The following XIAP variants were observed in gnomAD, a reference collection of about 807,000 sequenced individuals.
XIAP encodes X-linked inhibitor of apoptosis.
In XIAP, 3 loss-of-function variants were observed where a neutral mutation model predicts 33.1. The ratio of observed to expected loss-of-function variants is 0.09; its 90% CI spans 0.04 to 0.23. XIAP has a LOEUF of 0.23. XIAP is among the 10% of genes least tolerant of loss of function. XIAP has a pLI of 1.00. For missense variants in XIAP, 264 were observed against 363.0 expected (o/e 0.73, Z 2.22); for synonymous variants, 98 against 121.3 (o/e 0.81, Z 1.26).
chrX:123,892,559 A>C (rs2053417514), intron 4 of XIAP, among the ~76,000 whole-genome samples, 172 bp from the exon 5 acceptor site: 1 of 110,799 alleles, frequency 9.0e-6, no homozygotes, highest in South Asian at 3.8e-4. Context: ...TAGATTAGAT[A>C]ATCTTATGAC....
chrX:123,891,094 T>C (rs2053403655), intron 3 of XIAP, 144 bp from the exon 4 acceptor site: 2 of 340,140 alleles, frequency 5.9e-6, no homozygotes, highest in Non-Finnish European at 1.0e-5. Flanking sequence ...GATAGGGAAT[T>C]GGGTAACATT....
intron 6 of XIAP, among the ~76,000 whole-genome samples, chrX:123,905,185 C>G (rs2269176): frequency 0.19 from 21,332 of 110,593 alleles, 1,484 homozygotes; most frequent in South Asian, 0.39. Flanking sequence ...CCCTTCACTG[C>G]CTCCCAGGAC....
At chrX:123,876,271 C>G (rs1344131105) in intron 1 of XIAP, among the ~76,000 whole-genome samples, 2 of 109,611 alleles carry the variant, frequency 1.8e-5, no homozygotes, top group South Asian at 7.7e-4. Flanking sequence ...GAGACTATTA[C>G]TAGTCAAAAA....
chrX:123,888,968 G>T (rs1276801791), intron 3 of XIAP, among the ~76,000 whole-genome samples: 1 of 110,739 alleles, frequency 9.0e-6, no homozygotes. Flanking sequence ...TTGCAGGCTG[G>T]AGTGCAGTGG....
intron 2 of XIAP, among the ~76,000 whole-genome samples, chrX:123,887,180 A>G (rs781139816): frequency 8.9e-6 from 1 of 111,797 alleles, no homozygotes; most frequent in South Asian, 3.7e-4. Context: ...CGGCCTCCCA[A>G]AGTGCTGGGA....
rs753899127 is a variant in XIAP, at chrX:123,912,875, T to C, written c.*5694T>C. The C allele has an allele frequency of 3.1e-6, 1 of 327,187 alleles. No individual in the cohort carries two copies. Among genetic ancestry groups the C allele is most frequent in the South Asian group, 2.6e-5 (1 of 38,185 alleles). 27.0% of individuals were successfully genotyped at this position (327,187 alleles called of 1,213,427 possible). ...TTCACCATGTTGGCCAGGCTAGTCTTGAATTTCTGACCTCAAGTGATTCAT... is the reference window on the plus strand; with the variant it reads ...TTCACCATGTTGGCCAGGCTAGTCTCGAATTTCTGACCTCAAGTGATTCAT... On this transcript the variant is annotated 3_prime_UTR_variant, in exon 7 of 7. Coordinates refer to ENST00000371199, the MANE Select transcript of XIAP (RefSeq NM_001167.4).
At chrX:123,892,392 A>G (rs1361938192) in intron 4 of XIAP, among the ~76,000 whole-genome samples, 1 of 110,699 alleles carries the variant, frequency 9.0e-6, no homozygotes, top group Non-Finnish European at 1.9e-5. Context: ...TAAATAAATA[A>G]ATAAATTGAT....
chrX:123,867,462 C>T (rs1004313007), intron 1 of XIAP, among the ~76,000 whole-genome samples: 4 of 108,556 alleles, frequency 3.7e-5, no homozygotes, highest in Non-Finnish European at 5.7e-5. Flanking sequence ...GCATCTCCGC[C>T]TCCTGGGTTC....
At chrX:123,886,647 T>G in intron 2 of XIAP, 108 bp downstream of exon 2, 1 of 836,281 alleles carries the variant, frequency 1.2e-6, no homozygotes, top group Non-Finnish European at 1.7e-6. Flanking sequence ...TAGGTATAAC[T>G]TGGCATGATT....
In XIAP at chrX:123,912,050, TTA is replaced by T. The variant is rs1289859357; in HGVS notation, c.*4871_*4872del. The T allele has an allele frequency of 3.0e-6, 1 of 328,804 alleles. No individual in the cohort carries two copies. Among genetic ancestry groups the T allele is most frequent in the Non-Finnish European group, 5.9e-6 (1 of 169,923 alleles). 27.1% of individuals were successfully genotyped at this position (328,804 alleles called of 1,213,427 possible). The stretch of plus-strand genomic sequence containing the variant: ...TACCTTTCTTGAAAGGTCCAAATGT[TTA>T]TGTTTTCAACTACTCTTTCCACTGT... On this transcript the variant is annotated 3_prime_UTR_variant, in exon 7 of 7. Transcript: ENST00000371199.
intron 5 of XIAP, among the ~76,000 whole-genome samples, chrX:123,897,375 A>G (rs929076888): frequency 8.9e-6 from 1 of 111,893 alleles, no homozygotes; most frequent in Non-Finnish European, 1.9e-5. Flanking sequence ...TTATGGTGTT[A>G]TATCTTACAT....
At chrX:123,883,497 T>G (rs1461238581) in intron 1 of XIAP, among the ~76,000 whole-genome samples, 1 of 8,660 alleles carries the variant, frequency 1.2e-4, no homozygotes, top group Non-Finnish European at 2.0e-4. Context: ...TTTTCTTTTC[T>G]TTTTTTTTTT....
Position 123,908,804 on chromosome X carries a change from A to G in XIAP, c.*1623A>G. The G allele has an allele frequency of 2.9e-6, 1 of 348,986 alleles. No individual in the cohort carries two copies. The highest frequency in any genetic ancestry group is 5.5e-6 in the Non-Finnish European group (1 of 181,926). The allele number at this position is 348,986 out of a possible 1,213,427, so 28.8% of individuals were successfully genotyped here. ...AGTAGGGTATAAACTAGAAGTTTAA[A>G]AATGCTTCATAGAACGTCCAGGGTT... On this transcript the variant is annotated 3_prime_UTR_variant, in exon 7 of 7. Transcript: ENST00000371199.
At chrX:123,897,506 A>G (rs1407666723) in intron 5 of XIAP, among the ~76,000 whole-genome samples, 1 of 101,253 alleles carries the variant, frequency 9.9e-6, no homozygotes, top group East Asian at 3.5e-4. Context: ...TAGGAGGATA[A>G]TAAAACCTTG....
At chrX:123,879,212 G>C (rs964872232) in intron 1 of XIAP, 2 of 110,421 alleles carry the variant, frequency 1.8e-5, no homozygotes, top group Non-Finnish European at 3.8e-5. Context: ...TTAGTTCCTG[G>C]GAGAACATCC....
chrX:123,890,506 T>C (rs1337624501), intron 3 of XIAP, among the ~76,000 whole-genome samples: 1 of 107,488 alleles, frequency 9.3e-6, no homozygotes, highest in African/African-American at 3.4e-5. Context: ...GGCACACACC[T>C]GTAGTTCCAG....
chrX:123,861,952 A>G (rs2053083596), intron 1 of XIAP, among the ~76,000 whole-genome samples: 1 of 111,987 alleles, frequency 8.9e-6, no homozygotes, highest in South Asian at 3.6e-4. Context: ...TGATTATCAA[A>G]TAATGTAGCA....
intron 3 of XIAP, among the ~76,000 whole-genome samples, chrX:123,889,474 G>C (rs1482701794): frequency 9.1e-6 from 1 of 109,915 alleles, no homozygotes; most frequent in African/African-American, 3.3e-5. Flanking sequence ...CCAAAGTGTT[G>C]GCATTACAGG....
chrX:123,882,311 A>G (rs954774380), intron 1 of XIAP, among the ~76,000 whole-genome samples: 5 of 111,447 alleles, frequency 4.5e-5, no homozygotes, highest in Non-Finnish European at 9.4e-5. Flanking sequence ...TACTATTTAC[A>G]GTTGTATTTA....
Sources: gnomAD v4.1 joint callset for allele counts (sites outside exome capture counted in the v4.1 genomes callset) on GRCh38, gnomAD v4.1.1 for gene constraint, MANE v1.5 for transcripts, NCBI Gene and HGNC (gene_info 2026-07-23, HGNC 2026-07-21) for gene names.